Variants in FRMD5 observed in about 807,000 individuals in gnomAD.
The protein encoded by FRMD5 is FERM domain containing 5.
In FRMD5, 20 loss-of-function variants were observed where a neutral mutation model predicts 69.0. The observed-to-expected ratio is 0.29, with a 90% CI of 0.20 to 0.42. FRMD5 has a LOEUF of 0.42. FRMD5 is among the 10% of genes least tolerant of loss of function. The pLI is 1.00. For synonymous variants in FRMD5, 271 were observed against 260.1 expected (o/e 1.04, Z -0.40); for missense variants, 595 against 708.6 (o/e 0.84, Z 1.82).
chr15:44,093,815 G>A (rs1037818254), intron 1 of FRMD5, among the ~76,000 whole-genome samples: 3 of 151,674 alleles, frequency 2.0e-5, no homozygotes, highest in African/African-American at 2.4e-5. Flanking sequence ...GTTGTGATCC[G>A]CCTGTCTCGG....
chr15:44,134,885 C>T (rs2077159140), intron 1 of FRMD5, among the ~76,000 whole-genome samples: 1 of 152,128 alleles, frequency 6.6e-6, no homozygotes, highest in Admixed American at 6.5e-5. Context: ...TGCAAAGGCC[C>T]TGAGTTGGCA....
chr15:43,950,383 C>G (rs2090008355), intron 1 of FRMD5, among the ~76,000 whole-genome samples: 1 of 152,188 alleles, frequency 6.6e-6, no homozygotes, highest in Admixed American at 6.5e-5. Context: ...TGGTTTCATG[C>G]TTTAAAACAC....
intron 1 of FRMD5, among the ~76,000 whole-genome samples, chr15:44,006,038 A>G (rs559974875): frequency 1.4e-4 from 22 of 152,218 alleles, no homozygotes; most frequent in African/African-American, 5.1e-4. Flanking sequence ...AGAAGATGCC[A>G]TCTAGGACTT....
At chr15:43,878,924 T>C (rs566015067) in intron 13 of FRMD5, among the ~76,000 whole-genome samples, 40 of 148,460 alleles carry the variant, frequency 2.7e-4, no homozygotes, top group African/African-American at 9.4e-4. Flanking sequence ...TCTTTTTTTT[T>C]TTCTTTTCTT....
intron 1 of FRMD5, among the ~76,000 whole-genome samples, chr15:44,089,581 T>C (rs1232891282): frequency 6.6e-6 from 1 of 152,062 alleles, no homozygotes; most frequent in Non-Finnish European, 1.5e-5. Flanking sequence ...CATGCACCTG[T>C]AGTCCCAGGT....
At chr15:44,116,883 A>T (rs2076875963) in intron 1 of FRMD5, among the ~76,000 whole-genome samples, 1 of 151,630 alleles carries the variant, frequency 6.6e-6, no homozygotes, top group Non-Finnish European at 1.5e-5. Flanking sequence ...GGAGTTCGAG[A>T]CCAGCCTGGG....
intron 2 of FRMD5, among the ~76,000 whole-genome samples, chr15:43,923,548 G>T (rs2089532748): frequency 6.6e-6 from 1 of 152,208 alleles, no homozygotes; most frequent in African/African-American, 2.4e-5. Context: ...GCTCTGTAAA[G>T]AAAGAAGGTA....
intron 1 of FRMD5, among the ~76,000 whole-genome samples, chr15:44,169,542 T>C (rs1257697052): frequency 6.6e-6 from 1 of 152,058 alleles, no homozygotes; most frequent in African/African-American, 2.4e-5. Context: ...ATCCTGAAAA[T>C]ATTCAGGCAC....
At chr15:44,117,739 C>T (rs772145371) in intron 1 of FRMD5, among the ~76,000 whole-genome samples, 2 of 152,118 alleles carry the variant, frequency 1.3e-5, no homozygotes, top group Non-Finnish European at 2.9e-5. Context: ...TTAGAGAGGC[C>T]AGAGGAGGTT....
At chr15:44,023,418 G>A (rs1479001999) in intron 1 of FRMD5, among the ~76,000 whole-genome samples, 2 of 152,188 alleles carry the variant, frequency 1.3e-5, no homozygotes, top group Non-Finnish European at 2.9e-5. Context: ...GTAAGCCAAG[G>A]GGCTGTGGAC....
intron 1 of FRMD5, among the ~76,000 whole-genome samples, chr15:44,130,040 C>G (rs2706490): frequency 0.82 from 124,673 of 152,162 alleles, 53,623 homozygotes; most frequent in Non-Finnish European, 0.94. Context: ...TCTTCCTTCT[C>G]TTAAAAGATG....
rs1056465675 is a variant in FRMD5, at chr15:44,008,975, G to A, written c.103-84666C>T. Among the ~76,000 whole-genome samples the A allele has an allele frequency of 3.3e-5, 5 of 152,202 alleles. No homozygotes were observed. In the East Asian group the frequency reaches 5.8e-4, roughly 18 times the overall value. On this transcript the variant is annotated intron_variant, in intron 1 of 13. Transcript: ENST00000417257. ...CGGGAGGCGGAGCTTGCAGTGAGCC[G>A]AGATTGCACCACTGCACTCCAGCCT...
At chr15:44,041,233 T>C (rs1278831647) in intron 1 of FRMD5, among the ~76,000 whole-genome samples, 1 of 151,890 alleles carries the variant, frequency 6.6e-6, no homozygotes, top group Non-Finnish European at 1.5e-5. Context: ...AGACTTAGAC[T>C]CCCACACAAT....
At chr15:43,951,169 C>T (rs973539766) in intron 1 of FRMD5, among the ~76,000 whole-genome samples, 3 of 151,562 alleles carry the variant, frequency 2.0e-5, no homozygotes, top group Non-Finnish European at 2.9e-5. Flanking sequence ...ACCTATAATC[C>T]CAGCACTTTG....
At chr15:43,970,695 G>A (rs975079471) in intron 1 of FRMD5, among the ~76,000 whole-genome samples, 15 of 152,116 alleles carry the variant, frequency 9.9e-5, no homozygotes, top group African/African-American at 3.6e-4. Context: ...GCCCTCGAGT[G>A]ATATGCCTTG....
In FRMD5 at chr15:43,999,098, C is replaced by T. The variant is rs917208734; in HGVS notation, c.103-74789G>A. On this transcript the variant is annotated intron_variant, in intron 1 of 13. Transcript: ENST00000417257. ...TTTATTTTTTTTTCAGACGGAGTCT[C>T]CATCTATTGCCCAGGCTGGAGTGTG... Among the ~76,000 whole-genome samples, 3 of 152,088 alleles carry T rather than the reference C, an allele frequency of 2.0e-5. No homozygotes were observed. The East Asian group carries it at 5.8e-4, about 29-fold the overall frequency.
At chr15:44,124,294 T>C (rs2076995512) in intron 1 of FRMD5, among the ~76,000 whole-genome samples, 1 of 151,548 alleles carries the variant, frequency 6.6e-6, no homozygotes, top group South Asian at 2.1e-4. Context: ...TGCCCATATC[T>C]TTTTACCCAA....
intron 5 of FRMD5, among the ~76,000 whole-genome samples, chr15:43,909,652 G>A (rs944047367): frequency 2.6e-5 from 4 of 151,990 alleles, no homozygotes; most frequent in African/African-American, 7.2e-5. Flanking sequence ...GCTAACTTTC[G>A]TATTTTTAGT....
intron 4 of FRMD5, among the ~76,000 whole-genome samples, chr15:43,916,270 T>C (rs1031902027): frequency 6.6e-6 from 1 of 152,190 alleles, no homozygotes; most frequent in Non-Finnish European, 1.5e-5. Flanking sequence ...GATGACTACC[T>C]GGGATAGCTT....
Sources: allele counts gnomAD v4.1 joint callset (sites outside exome capture counted in the v4.1 genomes callset), GRCh38; gene constraint gnomAD v4.1.1; transcripts MANE v1.5; gene names NCBI Gene and HGNC (gene_info 2026-07-23, HGNC 2026-07-21).